The following GRIK1 variants were observed in gnomAD, a reference collection of about 807,000 sequenced individuals.
GRIK1 encodes the protein glutamate ionotropic receptor kainate type subunit 1.
A neutral mutation model predicts 105.7 loss-of-function variants in GRIK1; 69 were observed. That is an observed-to-expected ratio of 0.65 (90% confidence interval 0.54 to 0.80). The LOEUF (loss-of-function observed/expected upper bound fraction) is 0.80, where lower values mean the gene tolerates loss of function less well. GRIK1 is among the 30% of genes least tolerant of loss of function. The pLI is 0.00. For missense variants in GRIK1, 1,109 were observed against 1,167.3 expected, an observed-to-expected ratio of 0.95 and a Z score of 0.73; for synonymous variants, 438 against 431.3, an observed-to-expected ratio of 1.02 and a Z score of -0.19.
chr21:29,614,183 G>A (rs1342862966), intron 7 of GRIK1, among the ~76,000 whole-genome samples: 1 of 152,044 alleles, frequency 6.6e-6, no homozygotes, highest in South Asian at 2.1e-4. Context: ...ACATTAATAT[G>A]GATCTGAAGG....
rs541109952 is a variant in GRIK1 at position 29,589,308 on chromosome 21, A to T, written c.1366-266T>A. On this transcript the variant is annotated intron_variant, in intron 10 of 17. Transcript: ENST00000327783. ...TGCGGGAATGGTGTGATGGATACAC[A>T]GTCACTGTTAAATGTTGGGTCTGAG... 1.1e-4 allele frequency among the ~76,000 whole-genome samples: 17 copies of T among 152,150 alleles called. No homozygotes were observed. In the South Asian group the frequency reaches 1.2e-3, roughly 11 times the overall value.
At chr21:29,893,094 A>G (rs1438729302) in intron 1 of GRIK1, among the ~76,000 whole-genome samples, 1 of 152,190 alleles carries the variant, frequency 6.6e-6, no homozygotes, top group Admixed American at 6.5e-5. Context: ...AGTTGTTGAA[A>G]TTGGATGGAA....
intron 15 of GRIK1, among the ~76,000 whole-genome samples, chr21:29,560,520 CT>C (rs2090437199): frequency 2.0e-4 from 11 of 55,052 alleles, no homozygotes; most frequent in South Asian, 6.1e-4. Flanking sequence ...TCCTTCCTTC[CT>C]TTCTTTCTTT....
chr21:29,915,026 C>A (rs1158265008), intron 1 of GRIK1, among the ~76,000 whole-genome samples: 2 of 151,718 alleles, frequency 1.3e-5, no homozygotes, highest in Admixed American at 6.6e-5. Context: ...TACATAATTT[C>A]TAAAGAAATA....
At chr21:29,637,985 C>T (rs564978541) in intron 7 of GRIK1, among the ~76,000 whole-genome samples, 15 of 152,240 alleles carry the variant, frequency 9.9e-5, no homozygotes, top group African/African-American at 3.4e-4. Context: ...CAAACAACTG[C>T]TACTTTATCC....
At chr21:29,720,791 C>T (rs150192295) in intron 1 of GRIK1, among the ~76,000 whole-genome samples, 1 of 152,218 alleles carries the variant, frequency 6.6e-6, no homozygotes, top group East Asian at 1.9e-4. Flanking sequence ...ACAAGGTTTC[C>T]ATCCTTATTA....
intron 1 of GRIK1, among the ~76,000 whole-genome samples, chr21:29,852,545 T>G (rs1247487883): frequency 1.3e-5 from 2 of 152,160 alleles, no homozygotes; most frequent in African/African-American, 4.8e-5. Flanking sequence ...GATACTCGAG[T>G]GCACTACTGA....
chr21:29,918,541 A>G (rs545411075), intron 1 of GRIK1, among the ~76,000 whole-genome samples: 1 of 152,242 alleles, frequency 6.6e-6, no homozygotes, highest in African/African-American at 2.4e-5. Flanking sequence ...TCCTTTATCT[A>G]AATTGAAAAT....
chr21:29,843,872 G>A (rs537565805), intron 1 of GRIK1, among the ~76,000 whole-genome samples: 4 of 152,296 alleles, frequency 2.6e-5, no homozygotes, highest in African/African-American at 9.6e-5. Flanking sequence ...CTTCTAGAGC[G>A]ATGATTCTTC....
At chr21:29,931,269 T>C (rs1409550979) in intron 1 of GRIK1, among the ~76,000 whole-genome samples, 1 of 152,236 alleles carries the variant, frequency 6.6e-6, no homozygotes, top group Non-Finnish European at 1.5e-5. Context: ...CTTAGGCTTA[T>C]CTTGGTTGTG....
At chr21:29,936,516 G>A (rs1450355049) in intron 1 of GRIK1, among the ~76,000 whole-genome samples, 2 of 152,128 alleles carry the variant, frequency 1.3e-5, no homozygotes, top group Non-Finnish European at 2.9e-5. Flanking sequence ...ATACAGAGAG[G>A]CAGGAATGAC....
At chr21:29,939,343 C>A (rs968310429) in intron 1 of GRIK1, 40 bp downstream of exon 1, 20 of 1,213,558 alleles carry the variant, frequency 1.6e-5, no homozygotes, top group Non-Finnish European at 2.0e-5. Context: ...GTGCGGCGAC[C>A]GACCACGTCT....
At chr21:29,723,784 C>T (rs998538003) in intron 1 of GRIK1, among the ~76,000 whole-genome samples, 7 of 148,802 alleles carry the variant, frequency 4.7e-5, no homozygotes, top group African/African-American at 1.5e-4. Flanking sequence ...TTTACTCATT[C>T]TTTTTTTTTT....
chr21:29,754,965 G>GCTAGCTACCTAGCTAGCTATTATCTAT (rs2065299082), intron 1 of GRIK1, among the ~76,000 whole-genome samples: 1 of 151,854 alleles, frequency 6.6e-6, no homozygotes, highest in African/African-American at 2.4e-5. Flanking sequence ...AATCTATCTA[G>GCTAGCTACCTAGCTAGCTATTATCTAT]CTAGCTACCT....
Position 29,787,410 on chromosome 21 carries a change from C to T in GRIK1, c.119-93347G>A, listed in dbSNP as rs191328049. On this transcript the variant is annotated intron_variant, in intron 1 of 17. Transcript: ENST00000327783. ...TCCTAATTTTCAAAGGATCCAGGCACCACCCAAAATGGTAAGATTCATAGA... is the reference window on the plus strand; with the variant it reads ...TCCTAATTTTCAAAGGATCCAGGCATCACCCAAAATGGTAAGATTCATAGA... Among the ~76,000 whole-genome samples, 250 of 152,220 alleles carry T rather than the reference C, an allele frequency of 1.6e-3. 1 individual carries two copies. Among genetic ancestry groups the T allele is most frequent in the Admixed American group, 0.013 (194 of 15,294 alleles).
rs1041313847 is a variant in GRIK1 at position 29,939,754 on chromosome 21, G to T, written c.-254C>A. On this transcript the variant is annotated 5_prime_UTR_variant, in exon 1 of 18. Coordinates refer to ENST00000327783, the MANE Select transcript of GRIK1 (RefSeq NM_001330994.2). ...TCCTCCTCCTCCTCTTCCATGGGCC[G>T]CAGACCGCGGAGGATCAGCGCTCTC... 2.7e-6 allele frequency: 1 copy of T among 364,542 alleles called. No individual in the cohort carries two copies. Among genetic ancestry groups the T allele is most frequent in the African/African-American group, 2.1e-5 (1 of 47,390 alleles). 22.6% of individuals were successfully genotyped at this position (364,542 alleles called of 1,614,324 possible).
chr21:29,888,540 C>A (rs1408139385), intron 1 of GRIK1, among the ~76,000 whole-genome samples: 1 of 151,756 alleles, frequency 6.6e-6, no homozygotes, highest in African/African-American at 2.4e-5. Flanking sequence ...TGTTGGGAAC[C>A]ACTTACAGGT....
intron 1 of GRIK1, among the ~76,000 whole-genome samples, chr21:29,753,254 A>G (rs145770521): frequency 2.0e-3 from 303 of 152,378 alleles, no homozygotes; most frequent in African/African-American, 7.0e-3. Flanking sequence ...TTCTTCATGT[A>G]TAATAAAATA....
intron 1 of GRIK1, among the ~76,000 whole-genome samples, chr21:29,841,160 G>A (rs754968427): frequency 2.6e-5 from 4 of 152,028 alleles, no homozygotes; most frequent in Non-Finnish European, 5.9e-5. Flanking sequence ...CCGTAAATTG[G>A]ACAGTGAGTA....
Sources: allele counts gnomAD v4.1 joint callset (sites outside exome capture counted in the v4.1 genomes callset), GRCh38; gene constraint gnomAD v4.1.1; transcripts MANE v1.5; gene names NCBI Gene and HGNC (gene_info 2026-07-23, HGNC 2026-07-21).